The following ITGAV variants were observed in gnomAD, a reference collection of about 807,000 sequenced individuals.
The protein encoded by ITGAV is integrin alpha-V.
A neutral mutation model predicts 143.8 loss-of-function variants in ITGAV; 76 were observed. The ratio of observed to expected loss-of-function variants is 0.53; its 90% CI spans 0.44 to 0.64. The LOEUF is 0.64. Among genes scored for constraint, ITGAV ranks in the 30% least tolerant of loss-of-function variants. The pLI, the probability that ITGAV is intolerant of heterozygous loss-of-function variation, is 0.00. For missense variants in ITGAV, 1,193 were observed against 1,274.7 expected (o/e 0.94, Z 0.98); for synonymous variants, 453 against 446.7 (o/e 1.01, Z -0.18).
intron 1 of ITGAV, chr2:186,600,314 C>T: frequency 6.5e-7 from 1 of 1,541,434 alleles, no homozygotes; most frequent in Non-Finnish European, 8.8e-7. Context: ...CCCCCCACTC[C>T]CCTCCATCCT....
intron 2 of ITGAV, among the ~76,000 whole-genome samples, chr2:186,621,238 A>C (rs373229938): frequency 1.0e-3 from 156 of 152,306 alleles, no homozygotes; most frequent in African/African-American, 3.4e-3. Flanking sequence ...GAAAATTTCA[A>C]TTTCAGTAAT....
intron 4 of ITGAV, among the ~76,000 whole-genome samples, chr2:186,626,674 A>G (rs749060180): frequency 6.6e-6 from 1 of 152,172 alleles, no homozygotes; most frequent in African/African-American, 2.4e-5. Flanking sequence ...TCTTAGCCCA[A>G]CACTTTGATC....
intron 2 of ITGAV, among the ~76,000 whole-genome samples, chr2:186,603,196 A>G (rs1394413213): frequency 2.0e-5 from 3 of 152,228 alleles, no homozygotes; most frequent in African/African-American, 7.2e-5. Context: ...TTCTAGTACA[A>G]TAGTCTTACA....
rs188594164 is a variant in ITGAV at position 186,679,798 on chromosome 2, G to A, written c.*2506G>A. ...TTTTCTGTTTCTCTTTTCTCTTAAC[G>A]ATTATCACTGTAATTCTGAATCTGA... On this transcript the variant is annotated 3_prime_UTR_variant, in exon 30 of 30. Transcript: ENST00000261023. The A allele has an allele frequency of 5.3e-5, 8 of 151,934 alleles. No individual in the cohort carries two copies. The highest frequency in any genetic ancestry group is 2.1e-4 in the South Asian group (1 of 4,814). The allele number at this position is 151,934 out of a possible 1,614,324, so 9.4% of individuals were successfully genotyped here.
rs1026823905 is a variant in ITGAV at position 186,676,994 on chromosome 2, G to C, written c.3051+59G>C. On this transcript the variant is annotated intron_variant, in intron 29 of 29. Transcript: ENST00000261023. ...AAAGCAGAAGAAAAGGGAAAGGGAA[G>C]AAGGAAAAGAAGAATGAAAAGTAAG... The C allele has an allele frequency of 8.4e-6, 13 of 1,540,796 alleles. No homozygotes were observed. The African/African-American group carries it at 1.6e-4, about 19-fold the overall frequency.
chr2:186,604,483 T>G (rs1299772959), intron 2 of ITGAV, among the ~76,000 whole-genome samples: 2 of 152,212 alleles, frequency 1.3e-5, no homozygotes, highest in African/African-American at 4.8e-5. Context: ...ACACAAGTAT[T>G]TGTACAAATA....
intron 12 of ITGAV, 46 bp downstream of exon 12, chr2:186,641,634 C>T (rs1304461237): frequency 2.0e-6 from 3 of 1,533,652 alleles, no homozygotes; most frequent in African/African-American, 1.4e-5. Flanking sequence ...TATCTGTGTC[C>T]ACCTGGAAAA....
chr2:186,605,334 G>T (rs1314886814), intron 2 of ITGAV, among the ~76,000 whole-genome samples: 1 of 152,164 alleles, frequency 6.6e-6, no homozygotes, highest in African/African-American at 2.4e-5. Context: ...TGCCTGGGCT[G>T]TGTTTCCTGC....
intron 2 of ITGAV, among the ~76,000 whole-genome samples, chr2:186,618,925 T>A (rs112840166): frequency 0.026 from 3,937 of 152,122 alleles, 190 homozygotes; most frequent in African/African-American, 0.09. Context: ...GGAAAGGAAA[T>A]CAGTATATCA....
chr2:186,614,552 T>C (rs530332785), intron 2 of ITGAV, among the ~76,000 whole-genome samples: 1 of 152,114 alleles, frequency 6.6e-6, no homozygotes, highest in Non-Finnish European at 1.5e-5. Flanking sequence ...TTTGATACTA[T>C]CTTCCTTTGC....
intron 10 of ITGAV, among the ~76,000 whole-genome samples, chr2:186,640,075 C>A (rs1284595458): frequency 6.6e-6 from 1 of 152,178 alleles, no homozygotes; most frequent in African/African-American, 2.4e-5. Flanking sequence ...ATTTGAGAAG[C>A]ATTGCTAACT....
intron 12 of ITGAV, among the ~76,000 whole-genome samples, chr2:186,644,351 G>A (rs2105715719): frequency 6.6e-6 from 1 of 150,678 alleles, no homozygotes; most frequent in Non-Finnish European, 1.5e-5. Context: ...TTTTTAGACT[G>A]AGTCTCATTC....
chr2:186,609,820 G>C (rs1442040055), intron 2 of ITGAV, among the ~76,000 whole-genome samples: 1 of 151,990 alleles, frequency 6.6e-6, no homozygotes, highest in Non-Finnish European at 1.5e-5. Context: ...GTGGGCATAA[G>C]GGTTATACGT....
chr2:186,649,003 C>T (rs79863731), intron 13 of ITGAV, among the ~76,000 whole-genome samples: 2,248 of 6,080 alleles, frequency 0.37, 833 homozygotes, highest in African/African-American at 0.57. Context: ...TATATATATA[C>T]ACATTTGTGT....
chr2:186,634,912 A>G (rs768077822), intron 6 of ITGAV, among the ~76,000 whole-genome samples: 1 of 152,142 alleles, frequency 6.6e-6, no homozygotes, highest in Non-Finnish European at 1.5e-5. Context: ...ACTGTCAAGG[A>G]AGCTAAATTT....
At chr2:186,667,607 T>A (rs927581477) in intron 23 of ITGAV, 64 bp from the exon 24 acceptor site, 1 of 840,820 alleles carries the variant, frequency 1.2e-6, no homozygotes, top group African/African-American at 1.7e-5. Flanking sequence ...ATGGGGTACT[T>A]TTGAAAATGA....
chr2:186,592,280 A>C (rs935286069), intron 1 of ITGAV, among the ~76,000 whole-genome samples: 5 of 152,156 alleles, frequency 3.3e-5, no homozygotes, highest in African/African-American at 1.2e-4. Flanking sequence ...ACTACAAAAA[A>C]ATACAAAAAT....
chr2:186,646,829 G>A lies in ITGAV; in HGVS notation c.1303G>A (p.Gly435Ser). The change falls in exon 13 of 30, where the codon GGC becomes AGC. Residue 435 changes from glycine (G) to serine (S), a missense_variant. Transcript: ENST00000261023. ...TGCTCGAAGCATGCCACCAAGCTTT[G>A]GCTATTCAATGAAAGGAGCCACAGA... ...WAARSMPPSFGYSMKGATDID... is the reference protein window; with the variant it reads ...WAARSMPPSFSYSMKGATDID... 1 of 1,608,808 alleles carries A rather than the reference G, an allele frequency of 6.2e-7. No homozygotes were observed. Among genetic ancestry groups the A allele is most frequent in the Non-Finnish European group, 8.5e-7 (1 of 1,176,350 alleles).
At position 186,659,065 on chromosome 2, in the gene ITGAV, A is replaced by G; in HGVS notation, c.1747A>G (p.Thr583Ala). 6.2e-7 allele frequency: 1 copy of G among 1,609,820 alleles called. No individual in the cohort carries two copies. Among genetic ancestry groups the G allele is most frequent in the Non-Finnish European group, 8.5e-7 (1 of 1,176,890 alleles). The change falls in exon 18 of 30, where the codon ACT (threonine) becomes GCT (alanine). Residue 583 changes from threonine (T) to alanine (A), a missense_variant. Transcript: ENST00000261023. ...RDESEFRDKLTPITIFMEYRL... is the reference protein window; with the variant it reads ...RDESEFRDKLAPITIFMEYRL... ...TGAATCTGAATTTAGAGACAAACTCACTCCAATTACTATTTTTATGGAATA... is the reference window on the plus strand; with the variant it reads ...TGAATCTGAATTTAGAGACAAACTCGCTCCAATTACTATTTTTATGGAATA...
Sources: allele counts gnomAD v4.1 joint callset (sites outside exome capture counted in the v4.1 genomes callset), GRCh38; gene constraint gnomAD v4.1.1; transcripts MANE v1.5; gene names NCBI Gene and HGNC (gene_info 2026-07-23, HGNC 2026-07-21).